NPAS3: variants seen among roughly 807,000 people sequenced by gnomAD.
The protein encoded by NPAS3 is neuronal PAS domain-containing protein 3.
NPAS3 carries 14 observed loss-of-function variants against 73.1 expected under a neutral mutation model. That is an observed-to-expected ratio of 0.19 (90% confidence interval 0.13 to 0.30). NPAS3 has a LOEUF of 0.30. Ranked by LOEUF, NPAS3 falls within the 10% of genes least tolerant of loss-of-function variation. The pLI is 1.00. For missense variants in NPAS3, 1,096 were observed against 1,250.0 expected (o/e 0.88, Z 1.86); for synonymous variants, 620 against 541.5 (o/e 1.14, Z -2.01).
intron 4 of NPAS3, among the ~76,000 whole-genome samples, chr14:33,443,946 ATAAAAT>A (rs2049367226): frequency 6.6e-6 from 1 of 152,248 alleles, no homozygotes; most frequent in Admixed American, 6.5e-5. Flanking sequence ...CTGAGGCAAC[ATAAAAT>A]TAAAAGCACC....
At chr14:33,102,262 A>G (rs1410686487) in intron 2 of NPAS3, among the ~76,000 whole-genome samples, 2 of 152,180 alleles carry the variant, frequency 1.3e-5, no homozygotes, top group Non-Finnish European at 2.9e-5. Context: ...TACACAAGTA[A>G]GGATTGATTT....
At chr14:33,688,512 C>A (rs935060542) in intron 6 of NPAS3, among the ~76,000 whole-genome samples, 3 of 152,034 alleles carry the variant, frequency 2.0e-5, no homozygotes, top group African/African-American at 7.2e-5. Context: ...TCTTTCAAGA[C>A]CCACCCAATG....
intron 4 of NPAS3, among the ~76,000 whole-genome samples, chr14:33,513,625 C>A (rs1395309974): frequency 6.6e-6 from 1 of 151,992 alleles, no homozygotes; most frequent in Non-Finnish European, 1.5e-5. Flanking sequence ...GATTTAAAGC[C>A]AGGTCTTTCC....
At chr14:33,176,697 C>A (rs2045600677) in intron 2 of NPAS3, among the ~76,000 whole-genome samples, 1 of 152,114 alleles carries the variant, frequency 6.6e-6, no homozygotes, top group African/African-American at 2.4e-5. Flanking sequence ...CAAATATCTC[C>A]TTGAGTCTCT....
chr14:33,287,258 A>C (rs1222995194), intron 3 of NPAS3, among the ~76,000 whole-genome samples: 2 of 152,174 alleles, frequency 1.3e-5, no homozygotes, highest in Admixed American at 6.6e-5. Flanking sequence ...GTTGTTAAAC[A>C]TGAAGTTTTA....
chr14:33,171,817 A>T (rs568886239), intron 2 of NPAS3, among the ~76,000 whole-genome samples: 1 of 152,104 alleles, frequency 6.6e-6, no homozygotes, highest in Non-Finnish European at 1.5e-5. Flanking sequence ...TTGCTTTTCG[A>T]CGTGCCTTTC....
chr14:33,786,263 C>T (rs74044719), intron 9 of NPAS3, among the ~76,000 whole-genome samples: 2,103 of 152,268 alleles, frequency 0.014, 49 homozygotes, highest in African/African-American at 0.046. Context: ...CAATAAAGTA[C>T]TTGGATTTCT....
chr14:33,751,403 C>T (rs1319244739), intron 7 of NPAS3, among the ~76,000 whole-genome samples: 2 of 152,044 alleles, frequency 1.3e-5, no homozygotes, highest in Non-Finnish European at 2.9e-5. Context: ...TCACATTGCT[C>T]ATATAAATAG....
chr14:33,047,935 A>T (rs2040566948), intron 1 of NPAS3, among the ~76,000 whole-genome samples: 1 of 152,222 alleles, frequency 6.6e-6, no homozygotes, highest in Non-Finnish European at 1.5e-5. Context: ...CTTTTAATGA[A>T]CAAAAAAGGT....
At position 33,364,431 on chromosome 14, in the gene NPAS3, T is replaced by A. The variant is rs529324164; in HGVS notation, c.386-2755T>A. 1.9e-4 allele frequency among the ~76,000 whole-genome samples: 29 copies of A among 152,320 alleles called. 1 individual carries two copies. Among genetic ancestry groups the A allele is most frequent in the Non-Finnish European group, 1.9e-4 (13 of 68,028 alleles). On this transcript the variant is annotated intron_variant, in intron 3 of 11. Transcript: ENST00000356141. ...TAAAGCTGGGCTCCTACCAGGGACATAATGGGCTCCTGTTTAACATATTTA... is the reference window on the plus strand; with the variant it reads ...TAAAGCTGGGCTCCTACCAGGGACAAAATGGGCTCCTGTTTAACATATTTA...
chr14:33,088,049 C>A (rs2042095270), intron 2 of NPAS3, among the ~76,000 whole-genome samples: 2 of 152,158 alleles, frequency 1.3e-5, no homozygotes, highest in South Asian at 4.1e-4. Context: ...CAATTGCCCA[C>A]CACGGTGCGG....
intron 5 of NPAS3, among the ~76,000 whole-genome samples, chr14:33,656,813 T>C (rs973171400): frequency 2.0e-5 from 3 of 152,180 alleles, no homozygotes; most frequent in Non-Finnish European, 4.4e-5. Context: ...CTAGAACTTA[T>C]TCTGTGTATC....
At chr14:33,005,049 T>G (rs1378839084) in intron 1 of NPAS3, among the ~76,000 whole-genome samples, 1 of 151,992 alleles carries the variant, frequency 6.6e-6, no homozygotes, top group Non-Finnish European at 1.5e-5. Flanking sequence ...CTGAGGCTGT[T>G]TTATAGTTAA....
intron 4 of NPAS3, among the ~76,000 whole-genome samples, chr14:33,399,295 A>G (rs1014898944): frequency 1.3e-5 from 2 of 152,144 alleles, no homozygotes; most frequent in Admixed American, 6.6e-5. Flanking sequence ...AGAGTCTGAC[A>G]TTACAGGCAG....
intron 3 of NPAS3, among the ~76,000 whole-genome samples, chr14:33,363,895 C>T (rs950196777): frequency 2.0e-5 from 3 of 148,998 alleles, no homozygotes. Context: ...CAAGTGGTTG[C>T]ACATTCCATT....
rs149427540 is a variant in NPAS3, at chr14:32,970,415, A to G, written c.50+31049A>G. On this transcript the variant is annotated intron_variant, in intron 1 of 11. Coordinates refer to ENST00000356141, the Ensembl canonical transcript of NPAS3. Reference sequence around the variant, plus strand: ...CCATGGTTTTCTCTTACCTTTCTCAAAGAAGTGGCTTTCCTTCTACTTTTT... The same window carrying G: ...CCATGGTTTTCTCTTACCTTTCTCAGAGAAGTGGCTTTCCTTCTACTTTTT... Among the ~76,000 whole-genome samples the G allele has an allele frequency of 1.4e-3, 217 of 152,214 alleles. 2 individuals are homozygous for G. The East Asian group carries it at 0.023, about 16-fold the overall frequency.
At chr14:33,711,030 G>A (rs1026600748) in intron 6 of NPAS3, among the ~76,000 whole-genome samples, 2 of 152,142 alleles carry the variant, frequency 1.3e-5, no homozygotes, top group Non-Finnish European at 2.9e-5. Flanking sequence ...GGGAGCAAGC[G>A]CAGGTTTCCA....
chr14:33,067,709 G>A (rs560254362), intron 2 of NPAS3, among the ~76,000 whole-genome samples: 2 of 152,178 alleles, frequency 1.3e-5, no homozygotes, highest in South Asian at 2.1e-4. Flanking sequence ...CACACAGCTC[G>A]GGTGTAACAT....
chr14:33,279,755 A>T (rs114615870), intron 3 of NPAS3, among the ~76,000 whole-genome samples: 24 of 152,144 alleles, frequency 1.6e-4, no homozygotes, highest in African/African-American at 5.8e-4. Context: ...AATAGTTGGG[A>T]TCTTGCATTA....
Sources: gnomAD v4.1 joint callset for allele counts (sites outside exome capture counted in the v4.1 genomes callset) on GRCh38, gnomAD v4.1.1 for gene constraint, MANE v1.5 for transcripts, NCBI Gene and HGNC (gene_info 2026-07-23, HGNC 2026-07-21) for gene names.